Variants in FBXL14 observed in about 807,000 individuals in gnomAD.
FBXL14 encodes F-box/LRR-repeat protein 14.
In FBXL14, 11 loss-of-function variants were observed where a neutral mutation model predicts 24.5. That is an observed-to-expected ratio of 0.45 (90% CI 0.28 to 0.74). The LOEUF (loss-of-function observed/expected upper bound fraction) is 0.74. Ranked by LOEUF, FBXL14 falls within the 30% of genes least tolerant of loss-of-function variation. The pLI is 0.12. For synonymous variants in FBXL14, 294 were observed against 240.4 expected (o/e 1.22, Z -2.06); for missense variants, 384 against 545.6 (o/e 0.70, Z 2.95).
intron 1 of FBXL14, among the ~76,000 whole-genome samples, chr12:1,581,049 G>A (rs924185361): frequency 5.9e-5 from 9 of 152,214 alleles, no homozygotes; most frequent in East Asian, 1.9e-4. Context: ...GTAGACGGCC[G>A]TGGGACTGGC....
chr12:1,571,438 C>T (rs1592456104), intron 1 of FBXL14, among the ~76,000 whole-genome samples: 1 of 152,068 alleles, frequency 6.6e-6, no homozygotes, highest in Admixed American at 6.6e-5. Flanking sequence ...GAACTCCTGA[C>T]CTCAGGTGAT....
intron 1 of FBXL14, among the ~76,000 whole-genome samples, chr12:1,592,587 T>TGCAGGGGAGTGGGTGGGTAA (rs2094493037): frequency 6.6e-6 from 1 of 152,058 alleles, no homozygotes; most frequent in South Asian, 2.1e-4. Context: ...CTCCACCCCC[T>TGCAGGGGAGTGGGTGGGTAA]GCAGGGGAGT....
At chr12:1,589,271 C>CG (rs1355069590) in intron 1 of FBXL14, among the ~76,000 whole-genome samples, 1 of 148,426 alleles carries the variant, frequency 6.7e-6, no homozygotes, top group African/African-American at 2.5e-5. Flanking sequence ...TGGTGGTGTG[C>CG]GCCTGTAGTC....
At chr12:1,581,781 A>G (rs2094466816) in intron 1 of FBXL14, among the ~76,000 whole-genome samples, 1 of 152,164 alleles carries the variant, frequency 6.6e-6, no homozygotes, top group Non-Finnish European at 1.5e-5. Flanking sequence ...TCTAGAGTCA[A>G]ATTCAAAGGT....
rs1387305607 is a variant in FBXL14 at position 1,594,572 on chromosome 12, C to G, written c.-506G>C. 6.7e-6 allele frequency among the ~76,000 whole-genome samples: 1 copy of G among 148,706 alleles called. No homozygotes were observed. Among genetic ancestry groups the G allele is most frequent in the African/African-American group, 2.4e-5 (1 of 41,102 alleles). ...GGCTTCCTGCTGCCTTTGTCTCTCG[C>G]CCGCTTTTCAAACCTCCCAGCCCCG... On this transcript the variant is annotated 5_prime_UTR_variant, in exon 1 of 2. Coordinates refer to ENST00000339235, the MANE Select transcript of FBXL14 (RefSeq NM_152441.3).
chr12:1,581,023 A>T (rs188414201), intron 1 of FBXL14, among the ~76,000 whole-genome samples: 3 of 152,264 alleles, frequency 2.0e-5, no homozygotes, highest in Admixed American at 2.0e-4. Flanking sequence ...GGTGTTGTTG[A>T]TACCTGCTTC....
intron 1 of FBXL14, among the ~76,000 whole-genome samples, chr12:1,588,907 C>T (rs1006604295): frequency 4.6e-5 from 7 of 151,912 alleles, no homozygotes; most frequent in Non-Finnish European, 8.8e-5. Context: ...GTAGGTATGG[C>T]GGGGATCAAC....
Position 1,593,407 on chromosome 12 carries a change from T to G in FBXL14, c.660A>C (p.Leu220=), listed in dbSNP as rs780516560. 6.2e-7 allele frequency: 1 copy of G among 1,613,938 alleles called. No individual in the cohort carries two copies. The highest frequency in any genetic ancestry group is 8.5e-7 in the Non-Finnish European group (1 of 1,179,984). Reference sequence around the variant, plus strand: ...CCGTCAGCCCTCGGGAGATGTGCTTTAGAGAAAGATCTGTGAGCTTCTGGC... The same window carrying G: ...CCGTCAGCCCTCGGGAGATGTGCTTGAGAGAAAGATCTGTGAGCTTCTGGC... ...QDCQKLTDLS[L]KHISRGLTGL... Residue 220 remains leucine (L), a synonymous_variant, in exon 1 of 2, where the codon CTA becomes CTC. Coordinates refer to ENST00000339235, the MANE Select transcript of FBXL14 (RefSeq NM_152441.3). The surrounding 1 kb of genome is among the most constrained non-coding windows in gnomAD (Gnocchi z 7.4).
chr12:1,576,594 AT>A (rs927647030), intron 1 of FBXL14, among the ~76,000 whole-genome samples: 1 of 151,690 alleles, frequency 6.6e-6, no homozygotes, highest in Non-Finnish European at 1.5e-5. Context: ...ATTCCCAACT[AT>A]TTTCCCCCTA....
chr12:1,582,822 C>A (rs969001404), intron 1 of FBXL14, among the ~76,000 whole-genome samples: 4 of 152,196 alleles, frequency 2.6e-5, no homozygotes, highest in African/African-American at 9.6e-5. Flanking sequence ...TTCCCACTCA[C>A]AGTTTGATTC....
At chr12:1,584,788 G>A (rs959701744) in intron 1 of FBXL14, among the ~76,000 whole-genome samples, 1 of 152,166 alleles carries the variant, frequency 6.6e-6, no homozygotes, top group Non-Finnish European at 1.5e-5. Flanking sequence ...TGTCATTTTC[G>A]TGTTGTTTGC....
chr12:1,593,730 C>T lies in FBXL14; in HGVS notation c.337G>A (p.Val113Met). 6.2e-7 allele frequency: 1 copy of T among 1,614,158 alleles called. No individual in the cohort carries two copies. The highest frequency in any genetic ancestry group is 8.5e-7 in the Non-Finnish European group (1 of 1,180,024). The change falls in exon 1 of 2, where the codon GTG becomes ATG. Residue 113 changes from valine (V) to methionine (M), a missense_variant. Coordinates refer to ENST00000339235, the MANE Select transcript of FBXL14 (RefSeq NM_152441.3). The surrounding 1 kb of genome is among the most constrained non-coding windows in gnomAD (Gnocchi z 7.4). ...LTDNGLGHAF[V>M]QEIGSLRALN... The stretch of plus-strand genomic sequence containing the variant: ...GCGCGCAGGGAGCCGATCTCCTGCA[C>T]AAACGCGTGGCCCAGCCCGTTGTCG...
chr12:1,591,335 T>C (rs896047858), intron 1 of FBXL14, among the ~76,000 whole-genome samples: 2 of 134,294 alleles, frequency 1.5e-5, no homozygotes, highest in Non-Finnish European at 3.1e-5. Flanking sequence ...AATTCGCAGA[T>C]ACAAGGCTGT....
intron 1 of FBXL14, among the ~76,000 whole-genome samples, chr12:1,583,870 A>C (rs545390518): frequency 5.6e-4 from 86 of 152,336 alleles, no homozygotes; most frequent in African/African-American, 2.0e-3. Context: ...ACAGGTGTGG[A>C]TATGATTCAC....
At position 1,579,635 on chromosome 12, in the gene FBXL14, T is replaced by A. The variant is rs2094462547; in HGVS notation, c.1195-12825A>T. Reference sequence around the variant, plus strand: ...TTAAAAAAAAAAAAAAATGTAGTTATCAATTTTTTGTTTTTGACCAAAAGT... The same window carrying A: ...TTAAAAAAAAAAAAAAATGTAGTTAACAATTTTTTGTTTTTGACCAAAAGT... On this transcript the variant is annotated intron_variant, in intron 1 of 1. Coordinates refer to ENST00000339235, the MANE Select transcript of FBXL14 (RefSeq NM_152441.3). This position sits in a 1 kb window ranked among gnomAD's most constrained non-coding sequence, Gnocchi z 4.3. 6.6e-6 allele frequency among the ~76,000 whole-genome samples: 1 copy of A among 151,932 alleles called. No homozygotes were observed. Among genetic ancestry groups the A allele is most frequent in the South Asian group, 2.1e-4 (1 of 4,816 alleles).
rs375972209 is a variant in FBXL14, at chr12:1,567,407, G to A, written c.1195-597C>T. Among the ~76,000 whole-genome samples the A allele has an allele frequency of 2.3e-4, 35 of 152,214 alleles. 2 individuals are homozygous for A. The highest frequency in any genetic ancestry group is 5.9e-4 in the Admixed American group (9 of 15,282). On this transcript the variant is annotated intron_variant, in intron 1 of 1. Coordinates refer to ENST00000339235, the MANE Select transcript of FBXL14 (RefSeq NM_152441.3). This position sits in a 1 kb window ranked among gnomAD's most constrained non-coding sequence, Gnocchi z 4.8. ...CTCAGGAGGCTGAGGCAAGAGAACC[G>A]CTTGAACCGGGAGGCAGAGGTTGCA...
At chr12:1,571,151 A>T (rs2094444794) in intron 1 of FBXL14, among the ~76,000 whole-genome samples, 1 of 152,040 alleles carries the variant, frequency 6.6e-6, no homozygotes, top group Admixed American at 6.6e-5. Context: ...AAAGCATGCT[A>T]TTGCATGGCA....
rs2094437937 is a variant in FBXL14 at position 1,567,290 on chromosome 12, C to A, written c.1195-480G>T. Among the ~76,000 whole-genome samples, 1 of 151,772 alleles carries A rather than the reference C, an allele frequency of 6.6e-6. No individual in the cohort carries two copies. The highest frequency in any genetic ancestry group is 2.1e-4 in the South Asian group (1 of 4,792). On this transcript the variant is annotated intron_variant, in intron 1 of 1. Transcript: ENST00000339235. The surrounding 1 kb of genome is among the most constrained non-coding windows in gnomAD (Gnocchi z 4.8). ...CCAGCCTGGCCAATATGGCAAAACC[C>A]CATCTCTACTAAAAATAAAAATTAA...
chr12:1,568,363 T>C (rs377747916), intron 1 of FBXL14, among the ~76,000 whole-genome samples: 4 of 152,080 alleles, frequency 2.6e-5, no homozygotes, highest in African/African-American at 9.7e-5. Flanking sequence ...CAAACAAAAC[T>C]TCAGGGAATT....
Sources: gnomAD v4.1 joint callset for allele counts (sites outside exome capture counted in the v4.1 genomes callset) on GRCh38, gnomAD v4.1.1 for gene constraint, Gnocchi (gnomAD v3.1) non-coding constraint, MANE v1.5 for transcripts, NCBI Gene and HGNC (gene_info 2026-07-23, HGNC 2026-07-21) for gene names.